CEP128: variants seen among roughly 807,000 people sequenced by gnomAD.
The protein encoded by CEP128 is centrosomal protein 128.
A neutral mutation model predicts 156.7 loss-of-function variants in CEP128; 132 were observed. The ratio of observed to expected loss-of-function variants is 0.84; its 90% CI spans 0.73 to 0.97. The LOEUF is 0.97. Among genes scored for constraint, CEP128 ranks in the 50% least tolerant of loss-of-function variants. The pLI, the probability that CEP128 is intolerant of heterozygous loss-of-function variation, is 0.00. For missense variants in CEP128, 1,252 were observed against 1,281.9 expected, an observed-to-expected ratio of 0.98 and a Z score of 0.36; for synonymous variants, 469 against 448.9, an observed-to-expected ratio of 1.04 and a Z score of -0.57.
At chr14:80,555,886 T>C (rs1890413498) in intron 21 of CEP128, among the ~76,000 whole-genome samples, 1 of 151,854 alleles carries the variant, frequency 6.6e-6, no homozygotes, top group African/African-American at 2.4e-5. Context: ...TCTTTTTCAT[T>C]CATGGACTGT....
chr14:80,859,616 T>C (rs1887416245), intron 9 of CEP128, among the ~76,000 whole-genome samples: 2 of 152,100 alleles, frequency 1.3e-5, no homozygotes, highest in South Asian at 2.1e-4. Context: ...CAATAGCACA[T>C]GAGTAGCTGA....
In CEP128 at chr14:80,530,867, T is replaced by A; in HGVS notation, c.2900A>T (p.Asp967Val). 6.2e-7 allele frequency: 1 copy of A among 1,607,228 alleles called. No individual in the cohort carries two copies. Residue 967 changes from aspartate to valine, a missense_variant, in exon 22 of 25, where the codon GAC (aspartate) becomes GTC (valine). Physicochemically the swap from Asp to Val is radical, Grantham distance 152. Coordinates refer to ENST00000555265, the MANE Select transcript of CEP128 (RefSeq NM_152446.5). ...ALETSTQVAL[D>V]HLESVPEKLS... Reference sequence around the variant, plus strand: ...TTTCTCAGGCACAGACTCCAGATGGTCCAAGGCCACTTGGGTACTCTGAAA... The same window carrying A: ...TTTCTCAGGCACAGACTCCAGATGGACCAAGGCCACTTGGGTACTCTGAAA...
At chr14:80,679,648 G>C (rs1896233870) in intron 19 of CEP128, among the ~76,000 whole-genome samples, 1 of 152,124 alleles carries the variant, frequency 6.6e-6, no homozygotes, top group African/African-American at 2.4e-5. Flanking sequence ...AGGAGTTTTT[G>C]ATTTTGCCTT....
chr14:80,916,348 T>C, intron 3 of CEP128, 53 bp downstream of exon 3: 4 of 1,433,020 alleles, frequency 2.8e-6, no homozygotes, highest in Non-Finnish European at 3.9e-6. Context: ...CTGAAACTAT[T>C]AAGCAGCTCA....
intron 8 of CEP128, among the ~76,000 whole-genome samples, chr14:80,880,640 A>G (rs1050570663): frequency 4.6e-5 from 7 of 151,614 alleles, no homozygotes; most frequent in African/African-American, 1.7e-4. Context: ...GCGGATCACG[A>G]GGTCAGGAGA....
chr14:80,833,287 T>C (rs192092364), intron 12 of CEP128, among the ~76,000 whole-genome samples: 2 of 151,782 alleles, frequency 1.3e-5, no homozygotes, highest in African/African-American at 4.8e-5. Flanking sequence ...TTATATAAAA[T>C]ATGAAGGCAT....
chr14:80,655,071 G>A (rs903035237), intron 19 of CEP128, among the ~76,000 whole-genome samples: 4 of 151,808 alleles, frequency 2.6e-5, no homozygotes, highest in South Asian at 2.1e-4. Context: ...CTTTGTTCAC[G>A]TTGGCTCACA....
intron 7 of CEP128, among the ~76,000 whole-genome samples, chr14:80,898,643 T>A (rs1889456555): frequency 6.6e-6 from 1 of 152,164 alleles, no homozygotes. Context: ...TGTATACCCT[T>A]CCTTGAAATG....
intron 19 of CEP128, among the ~76,000 whole-genome samples, chr14:80,616,304 T>A (rs998074869): frequency 3.1e-4 from 47 of 152,320 alleles, no homozygotes; most frequent in African/African-American, 9.4e-4. Context: ...GTATGAGTGC[T>A]CACTGTACCT....
intron 21 of CEP128, among the ~76,000 whole-genome samples, chr14:80,543,556 G>C (rs1889857732): frequency 6.6e-6 from 1 of 152,218 alleles, no homozygotes; most frequent in South Asian, 2.1e-4. Context: ...AAGTTGGCCT[G>C]ATGCTGAATC....
chr14:80,738,658 C>T (rs940073208), intron 19 of CEP128, among the ~76,000 whole-genome samples: 16 of 151,950 alleles, frequency 1.1e-4, no homozygotes, highest in African/African-American at 1.7e-4. Flanking sequence ...AGATCACATT[C>T]GAGTAACTTT....
chr14:80,686,700 C>A (rs1029524546), intron 19 of CEP128, among the ~76,000 whole-genome samples: 11 of 152,134 alleles, frequency 7.2e-5, no homozygotes, highest in African/African-American at 2.7e-4. Flanking sequence ...TGCAAAGACA[C>A]ACCTATGCCC....
rs1029859267 is a variant in CEP128 at position 80,725,412 on chromosome 14, A to G, written c.2806+17663T>C. ...TGGCCAGGCCGGTCTCGAACTCCTG[A>G]CCTCAAGTGATCTGCCCGCCTCAGC... On this transcript the variant is annotated intron_variant, in intron 19 of 24. Coordinates refer to ENST00000555265, the MANE Select transcript of CEP128 (RefSeq NM_152446.5). 4.7e-4 allele frequency among the ~76,000 whole-genome samples: 72 copies of G among 151,902 alleles called. 1 individual carries two copies. The highest frequency in any genetic ancestry group is 1.7e-3 in the African/African-American group (70 of 41,408).
At chr14:80,595,292 A>T (rs1892265646) in intron 19 of CEP128, among the ~76,000 whole-genome samples, 1 of 152,142 alleles carries the variant, frequency 6.6e-6, no homozygotes, top group South Asian at 2.1e-4. Flanking sequence ...GGACACAGAG[A>T]GGGGAACATC....
chr14:80,732,513 T>TGC (rs879870901), intron 19 of CEP128, among the ~76,000 whole-genome samples: 21 of 149,632 alleles, frequency 1.4e-4, no homozygotes, highest in Admixed American at 3.3e-4. Context: ...TGTGTGTGTG[T>TGC]GTGTGTGGTT....
At chr14:80,520,810 T>TA (rs1332893362) in intron 23 of CEP128, among the ~76,000 whole-genome samples, 1 of 151,678 alleles carries the variant, frequency 6.6e-6, no homozygotes, top group Non-Finnish European at 1.5e-5. Flanking sequence ...CTTAGTTTCT[T>TA]AAAGTGACTT....
intron 13 of CEP128, among the ~76,000 whole-genome samples, chr14:80,815,894 A>G (rs774833692): frequency 1.3e-5 from 2 of 152,206 alleles, no homozygotes; most frequent in Non-Finnish European, 2.9e-5. Flanking sequence ...ACATGGACAT[A>G]GAGTGTGGAA....
At chr14:80,521,747 AAATCACC>A (rs1465964320) in intron 23 of CEP128, among the ~76,000 whole-genome samples, 1 of 152,216 alleles carries the variant, frequency 6.6e-6, no homozygotes, top group East Asian at 1.9e-4. Flanking sequence ...GAAGTTTTTA[AAATCACC>A]AGTTTAACAT....
chr14:80,735,298 T>G (rs966402681), intron 19 of CEP128, among the ~76,000 whole-genome samples: 3 of 152,208 alleles, frequency 2.0e-5, no homozygotes, highest in Non-Finnish European at 2.9e-5. Flanking sequence ...TCATAATCCA[T>G]GTAACTTCTT....
Sources: allele counts gnomAD v4.1 joint callset (sites outside exome capture counted in the v4.1 genomes callset), GRCh38; gene constraint gnomAD v4.1.1; transcripts MANE v1.5; gene names NCBI Gene and HGNC (gene_info 2026-07-23, HGNC 2026-07-21).